The following SPATA13 variants were observed in gnomAD, a reference collection of about 807,000 sequenced individuals.
The protein encoded by SPATA13 is spermatogenesis-associated protein 13.
Under a neutral mutation model 104.0 loss-of-function variants are expected in SPATA13, and 50 were observed. That is an observed-to-expected ratio of 0.48 (90% CI 0.38 to 0.61). The LOEUF (loss-of-function observed/expected upper bound fraction) is 0.61. Ranked by LOEUF, SPATA13 falls within the 20% of genes least tolerant of loss-of-function variation. SPATA13 has a pLI of 0.00. For synonymous variants in SPATA13, 606 were observed against 667.5 expected (o/e 0.91, Z 1.42); for missense variants, 1,524 against 1,690.6 (o/e 0.90, Z 1.73).
chr13:24,005,362 AG>A (rs1876173606), intron 2 of SPATA13, among the ~76,000 whole-genome samples: 1 of 152,166 alleles, frequency 6.6e-6, no homozygotes, highest in African/African-American at 2.4e-5. Flanking sequence ...AATGAATTGG[AG>A]GGTTGCCTTG....
At chr13:24,297,065 G>T (rs952841709) in intron 10 of SPATA13, among the ~76,000 whole-genome samples, 1 of 152,024 alleles carries the variant, frequency 6.6e-6, no homozygotes, top group Non-Finnish European at 1.5e-5. Context: ...AGAGAGAAGG[G>T]TCTTGCTCTG....
At chr13:24,046,493 C>T (rs1878149932) in intron 3 of SPATA13, among the ~76,000 whole-genome samples, 1 of 151,338 alleles carries the variant, frequency 6.6e-6, no homozygotes, top group Non-Finnish European at 1.5e-5. Context: ...CTATGTTGCC[C>T]AGGCTAGTGT....
chr13:24,146,829 C>A (rs190253807), intron 3 of SPATA13, among the ~76,000 whole-genome samples: 278 of 152,286 alleles, frequency 1.8e-3, no homozygotes, highest in African/African-American at 6.1e-3. Flanking sequence ...CCCAGATGGA[C>A]TGAGATTTCT....
At chr13:24,027,435 C>A (rs771132002) in intron 3 of SPATA13, among the ~76,000 whole-genome samples, 1 of 151,866 alleles carries the variant, frequency 6.6e-6, no homozygotes, top group Non-Finnish European at 1.5e-5. Context: ...GCCTGGCTGC[C>A]TTTTCTTTTT....
intron 1 of SPATA13, among the ~76,000 whole-genome samples, chr13:24,198,989 C>G (rs9511140): frequency 0.029 from 4,247 of 147,566 alleles, 92 homozygotes; most frequent in Non-Finnish European, 0.044. Flanking sequence ...TACTCTGTCA[C>G]CCAGTCTGGA....
At chr13:24,189,140 C>A (rs1420525142) in intron 1 of SPATA13, among the ~76,000 whole-genome samples, 1 of 152,100 alleles carries the variant, frequency 6.6e-6, no homozygotes, top group Non-Finnish European at 1.5e-5. Context: ...GCCCATGGAT[C>A]AAGGAGTAAT....
At chr13:24,137,579 G>T (rs1327664853) in intron 3 of SPATA13, among the ~76,000 whole-genome samples, 1 of 152,112 alleles carries the variant, frequency 6.6e-6, no homozygotes, top group East Asian at 1.9e-4. Flanking sequence ...GGCCAACATG[G>T]TGAAACCCCA....
chr13:24,079,616 G>A (rs1284058406), intron 3 of SPATA13, among the ~76,000 whole-genome samples: 2 of 152,152 alleles, frequency 1.3e-5, no homozygotes, highest in Non-Finnish European at 2.9e-5. Flanking sequence ...GCTTGAGGGA[G>A]AGACTTTTCC....
At chr13:24,112,243 T>C (rs182132253) in intron 3 of SPATA13, among the ~76,000 whole-genome samples, 3 of 152,350 alleles carry the variant, frequency 2.0e-5, no homozygotes, top group Admixed American at 2.0e-4. Flanking sequence ...TCTGGCATTG[T>C]AGCAAAGCTG....
In SPATA13 at chr13:24,251,786, G is replaced by A; in HGVS notation, c.2088G>A (p.Arg696=). 1.2e-6 allele frequency: 2 copies of A among 1,614,182 alleles called. No homozygotes were observed. The highest frequency in any genetic ancestry group is 1.7e-6 in the Non-Finnish European group (2 of 1,180,010). ...ACAAGGCTGTGTCGGCCCGGTTCCG[G>A]CCCTTCACATTCTCCCAGAGCACCC... ...PPYKAVSARF[R]PFTFSQSTPI... The change falls in exon 4 of 13, where the codon CGG becomes CGA. Residue 696 remains arginine (R), a synonymous_variant. Coordinates refer to ENST00000382108, the MANE Select transcript of SPATA13 (RefSeq NM_001166271.3).
intron 3 of SPATA13, among the ~76,000 whole-genome samples, chr13:24,111,508 A>G (rs2137813311): frequency 6.6e-6 from 1 of 151,858 alleles, no homozygotes; most frequent in Non-Finnish European, 1.5e-5. Flanking sequence ...TCCCAGCTCA[A>G]GTAATCCTCC....
intron 3 of SPATA13, among the ~76,000 whole-genome samples, chr13:24,147,059 G>A (rs946725549): frequency 2.0e-5 from 3 of 151,906 alleles, no homozygotes; most frequent in African/African-American, 7.3e-5. Flanking sequence ...ATTATTTTCC[G>A]CTGCCCATAA....
Position 24,105,711 on chromosome 13 carries a change from G to T in SPATA13, c.-112+88010G>T, listed in dbSNP as rs9580868. On this transcript the variant is annotated intron_variant, in intron 3 of 14. Coordinates refer to the SPATA13 transcript ENST00000424834. ...ATTGTGTCCCCCCTAACATTCATAGGTCAAAGCCCTAATCCCCAGTACCTC... is the reference window on the plus strand; with the variant it reads ...ATTGTGTCCCCCCTAACATTCATAGTTCAAAGCCCTAATCCCCAGTACCTC... Among the ~76,000 whole-genome samples the T allele has an allele frequency of 8.4e-3, 1,271 of 152,162 alleles. 18 individuals carry two copies. Among genetic ancestry groups the T allele is most frequent in the African/African-American group, 0.029 (1,220 of 41,498 alleles).
At chr13:24,122,884 C>G (rs76024945) in intron 3 of SPATA13, 1 of 774,140 alleles carries the variant, frequency 1.3e-6, no homozygotes, top group African/African-American at 1.7e-5. Flanking sequence ...GTAGGAACGA[C>G]CTGTAAGCAG....
chr13:24,027,791 A>C (rs1593286280), intron 3 of SPATA13, among the ~76,000 whole-genome samples: 1 of 152,182 alleles, frequency 6.6e-6, no homozygotes, highest in East Asian at 1.9e-4. Flanking sequence ...AACCGAGGAA[A>C]TTAGTATATG....
At position 23,986,888 on chromosome 13, in the gene SPATA13, C is replaced by T. The variant is rs567503277; in HGVS notation, c.-147+2955C>T. On this transcript the variant is annotated intron_variant, in intron 2 of 14. Transcript: ENST00000424834. ...TCAGATTGGAAACATCATGGGATCT[C>T]GTTGTGCAAGGAGTTCAGCATATTG... 9.0e-4 allele frequency among the ~76,000 whole-genome samples: 137 copies of T among 152,212 alleles called. 2 individuals carry two copies. The South Asian group carries it at 0.026, about 28-fold the overall frequency.
intron 2 of SPATA13, among the ~76,000 whole-genome samples, chr13:23,989,095 A>T (rs1316596932): frequency 6.6e-6 from 1 of 152,196 alleles, no homozygotes; most frequent in Non-Finnish European, 1.5e-5. Context: ...TGAGAAAGTT[A>T]TAAAAATTTC....
Position 24,219,395 on chromosome 13 carries a change from A to G in SPATA13, c.-111-3424A>G, listed in dbSNP as rs144000401. Reference sequence around the variant, plus strand: ...CCAATTAGAAACCCCAATTTTTTGCATGTGTTTTATGAAATCTGAATCCTA... The same window carrying G: ...CCAATTAGAAACCCCAATTTTTTGCGTGTGTTTTATGAAATCTGAATCCTA... On this transcript the variant is annotated intron_variant, in intron 1 of 12. Coordinates refer to ENST00000382108, the MANE Select transcript of SPATA13 (RefSeq NM_001166271.3). Among the ~76,000 whole-genome samples the G allele has an allele frequency of 8.7e-4, 132 of 152,368 alleles. No individual in the cohort carries two copies. In the East Asian group the frequency reaches 0.023, roughly 27 times the overall value.
chr13:24,222,062 C>T (rs1200767513), intron 1 of SPATA13, among the ~76,000 whole-genome samples: 1 of 152,150 alleles, frequency 6.6e-6, no homozygotes, highest in Non-Finnish European at 1.5e-5. Flanking sequence ...ATCCACGTGC[C>T]TCGGACTCCC....
Sources: allele counts gnomAD v4.1 joint callset (sites outside exome capture counted in the v4.1 genomes callset), GRCh38; gene constraint gnomAD v4.1.1; transcripts MANE v1.5; gene names NCBI Gene and HGNC (gene_info 2026-07-23, HGNC 2026-07-21).